Variants in GPC6 observed in about 807,000 individuals in gnomAD.
The protein encoded by GPC6 is glypican 6, also known as glypican-6.
Under a neutral mutation model 55.2 loss-of-function variants are expected in GPC6, and 14 were observed. That is an observed-to-expected ratio of 0.25 (90% CI 0.17 to 0.40). GPC6 has a LOEUF of 0.40. Among genes scored for constraint, GPC6 ranks in the 10% least tolerant of loss-of-function variants. The pLI is 1.00. For missense variants in GPC6, 641 were observed against 708.5 expected, an observed-to-expected ratio of 0.90 and a Z score of 1.08; for synonymous variants, 278 against 259.6, an observed-to-expected ratio of 1.07 and a Z score of -0.68.
At chr13:93,888,975 T>C (rs1460605943) in intron 3 of GPC6, among the ~76,000 whole-genome samples, 2 of 152,126 alleles carry the variant, frequency 1.3e-5, no homozygotes, top group East Asian at 3.9e-4. Context: ...TTTACAATAA[T>C]AGCCAAGACT....
intron 2 of GPC6, among the ~76,000 whole-genome samples, chr13:93,728,250 T>C (rs1026684767): frequency 1.3e-5 from 2 of 152,060 alleles, no homozygotes; most frequent in African/African-American, 4.8e-5. Flanking sequence ...AGGGTCTTTC[T>C]CTGTCAGTAA....
At chr13:93,747,637 T>C (rs75361183) in intron 2 of GPC6, among the ~76,000 whole-genome samples, 1 of 152,370 alleles carries the variant, frequency 6.6e-6, no homozygotes, top group East Asian at 1.9e-4. Context: ...CAGTATTCAA[T>C]AAATTACATG....
At chr13:93,651,439 A>C (rs1409520636) in intron 2 of GPC6, among the ~76,000 whole-genome samples, 1 of 152,146 alleles carries the variant, frequency 6.6e-6, no homozygotes, top group Non-Finnish European at 1.5e-5. Context: ...AGGCCTTGGA[A>C]GCAACCACAA....
At chr13:94,204,352 G>A (rs1889842178) in intron 4 of GPC6, among the ~76,000 whole-genome samples, 1 of 152,244 alleles carries the variant, frequency 6.6e-6, no homozygotes, top group Non-Finnish European at 1.5e-5. Context: ...AATGGGAAAT[G>A]AATATATTTT....
chr13:94,121,569 T>C (rs1443280049), intron 4 of GPC6, among the ~76,000 whole-genome samples: 2 of 152,168 alleles, frequency 1.3e-5, no homozygotes, highest in Non-Finnish European at 2.9e-5. Context: ...TGGATGATTA[T>C]CATCTTTGAA....
chr13:93,830,568 T>G (rs751132772), intron 3 of GPC6, 23 bp downstream of exon 3: 1 of 1,583,934 alleles, frequency 6.3e-7, no homozygotes, highest in South Asian at 1.1e-5. Flanking sequence ...GTGCTTTCTT[T>G]CTCATTGGTG....
chr13:93,380,088 C>G (rs1054936502), intron 1 of GPC6, among the ~76,000 whole-genome samples: 1 of 151,664 alleles, frequency 6.6e-6, no homozygotes, highest in African/African-American at 2.4e-5. Flanking sequence ...TATTTATGGT[C>G]TTAATATGCA....
chr13:94,128,644 G>A lies in GPC6; in HGVS notation c.877+100750G>A, dbSNP rs552678993. ...TGGAAGTGACAGAGTGTTACAACTC[G>A]CTGGCCAGGACAATTTACTTGGCCC... is the stretch of plus-strand genomic sequence containing the variant. On this transcript the variant is annotated intron_variant, in intron 4 of 8. Coordinates refer to ENST00000377047, the MANE Select transcript of GPC6 (RefSeq NM_005708.5). Among the ~76,000 whole-genome samples, 6 of 152,178 alleles carry A rather than the reference G, an allele frequency of 3.9e-5. No individual in the cohort carries two copies. The South Asian group carries it at 1.0e-3, about 26-fold the overall frequency.
At chr13:93,778,335 GA>G (rs1382993306) in intron 2 of GPC6, among the ~76,000 whole-genome samples, 1 of 151,800 alleles carries the variant, frequency 6.6e-6, no homozygotes, top group East Asian at 1.9e-4. Flanking sequence ...GTACCAAAAC[GA>G]AGAGAGTGAA....
At chr13:94,358,135 C>T (rs941894340) in intron 6 of GPC6, among the ~76,000 whole-genome samples, 2 of 151,780 alleles carry the variant, frequency 1.3e-5, no homozygotes, top group African/African-American at 4.8e-5. Context: ...ACTAAAAATA[C>T]AAAAATTAGC....
chr13:94,139,486 C>T (rs1887298007), intron 4 of GPC6, among the ~76,000 whole-genome samples: 1 of 152,154 alleles, frequency 6.6e-6, no homozygotes, highest in Non-Finnish European at 1.5e-5. Flanking sequence ...TCTCTCATTT[C>T]TTCTGTCATC....
At chr13:93,942,450 G>A (rs1224278804) in intron 3 of GPC6, among the ~76,000 whole-genome samples, 3 of 152,172 alleles carry the variant, frequency 2.0e-5, no homozygotes, top group African/African-American at 4.8e-5. Context: ...CTCCTGAGGA[G>A]TTGGGACTAC....
chr13:94,155,659 A>G (rs966005855), intron 4 of GPC6, among the ~76,000 whole-genome samples: 1 of 152,178 alleles, frequency 6.6e-6, no homozygotes, highest in Admixed American at 6.6e-5. Context: ...TCTGTTCTCT[A>G]CCATAAGAGG....
intron 2 of GPC6, among the ~76,000 whole-genome samples, chr13:93,719,991 T>A (rs532827316): frequency 6.6e-6 from 1 of 152,280 alleles, no homozygotes; most frequent in South Asian, 2.1e-4. Flanking sequence ...TTGCCAGTAT[T>A]TTATTGAGAA....
chr13:93,687,275 T>G (rs975254506), intron 2 of GPC6, among the ~76,000 whole-genome samples: 2 of 152,154 alleles, frequency 1.3e-5, no homozygotes, highest in Non-Finnish European at 2.9e-5. Context: ...TCTGAAGCCT[T>G]TATCCTATAT....
chr13:94,227,667 G>A (rs556208819), intron 4 of GPC6, among the ~76,000 whole-genome samples: 1 of 152,196 alleles, frequency 6.6e-6, no homozygotes, highest in South Asian at 2.1e-4. Flanking sequence ...GATAGGCTAG[G>A]TGATGCAGCA....
chr13:94,379,690 C>T (rs1417832981), intron 6 of GPC6, among the ~76,000 whole-genome samples: 2 of 152,140 alleles, frequency 1.3e-5, no homozygotes, highest in African/African-American at 4.8e-5. Flanking sequence ...CCTGTGTGAC[C>T]AACTAATCCT....
intron 4 of GPC6, among the ~76,000 whole-genome samples, chr13:94,202,181 T>G (rs994522978): frequency 2.6e-5 from 4 of 152,286 alleles, no homozygotes; most frequent in Middle Eastern, 3.4e-3. Flanking sequence ...CCTTTGTAAA[T>G]TCTCAGTGTT....
At chr13:94,268,285 G>A (rs898878947) in intron 4 of GPC6, among the ~76,000 whole-genome samples, 1 of 152,146 alleles carries the variant, frequency 6.6e-6, no homozygotes, top group Admixed American at 6.5e-5. Flanking sequence ...CCACATTTTT[G>A]AAAAGTGTAG....
Sources: gnomAD v4.1 joint callset for allele counts (sites outside exome capture counted in the v4.1 genomes callset) on GRCh38, gnomAD v4.1.1 for gene constraint, MANE v1.5 for transcripts, NCBI Gene and HGNC (gene_info 2026-07-23, HGNC 2026-07-21) for gene names.